The following RPF2 variants were observed in gnomAD, a reference collection of about 807,000 sequenced individuals.
The protein encoded by RPF2 is brix domain containing 1.
Under a neutral mutation model 38.9 loss-of-function variants are expected in RPF2, and 21 were observed. The ratio of observed to expected loss-of-function variants is 0.54; its 90% CI spans 0.38 to 0.78. The LOEUF (loss-of-function observed/expected upper bound fraction) is 0.78, where lower values mean the gene tolerates loss of function less well. Ranked by LOEUF, RPF2 falls within the 30% of genes least tolerant of loss-of-function variation. The pLI is 0.00. For synonymous variants in RPF2, 121 were observed against 126.2 expected (o/e 0.96, Z 0.28); for missense variants, 314 against 358.1 (o/e 0.88, Z 0.99).
At chr6:111,006,872 G>A (rs1449348672) in intron 6 of RPF2, among the ~76,000 whole-genome samples, 3 of 152,014 alleles carry the variant, frequency 2.0e-5, no homozygotes, top group South Asian at 2.1e-4. Flanking sequence ...TCGGGAGTTC[G>A]AGACCGGCCT....
At position 111,008,018 on chromosome 6, in the gene RPF2, C is replaced by CTT. The variant is rs35637912; in HGVS notation, c.394-4_394-3dup. 4.4e-4 allele frequency: 622 copies of CTT among 1,423,974 alleles called. No individual in the cohort carries two copies. The highest frequency in any genetic ancestry group is 1.5e-3 in the South Asian group (101 of 68,886). The allele number at this position is 1,423,974 out of a possible 1,614,324, so 88.2% of individuals were successfully genotyped here. On this transcript the variant is annotated intron_variant, in intron 6 of 9. Coordinates refer to ENST00000441448, the MANE Select transcript of RPF2 (RefSeq NM_032194.3). ...TTAGACTTTGGTAATTATATAATTG[C>CTT]TTTTTTTTTTTTTTTTTAGAACAGT...
chr6:111,008,636 C>T (rs1002205511), intron 7 of RPF2, among the ~76,000 whole-genome samples: 9 of 152,024 alleles, frequency 5.9e-5, no homozygotes, highest in Non-Finnish European at 1.0e-4. Context: ...TTTGTATCAC[C>T]GACTTCCAAC....
At chr6:111,009,219 C>CT (rs1771971870) in intron 7 of RPF2, among the ~76,000 whole-genome samples, 2 of 152,086 alleles carry the variant, frequency 1.3e-5, no homozygotes, top group South Asian at 4.1e-4. Flanking sequence ...CCATGCCCAG[C>CT]TTATTTTTGT....
At chr6:111,009,305 C>T (rs148036264) in intron 7 of RPF2, among the ~76,000 whole-genome samples, 4 of 152,248 alleles carry the variant, frequency 2.6e-5, no homozygotes, top group African/African-American at 7.2e-5. Flanking sequence ...CCACCCGCCT[C>T]GCCCTCCCAA....
In RPF2 at chr6:111,015,816, T is replaced by G. The variant is rs1272568327; in HGVS notation, c.556T>G (p.Phe186Val). Residue 186 changes from phenylalanine to valine, a missense_variant, in exon 8 of 10, where the codon TTC (phenylalanine) becomes GTC (valine). Phe to Val is a conservative substitution (Grantham distance 50, BLOSUM62 -1). Transcript: ENST00000441448. ...RLAGLEYVLH[F>V]TALNGKIYFR... ...GGCTGGATTAGAGTATGTTCTGCAC[T>G]TCACTGCACTGAATGGGAAGATTTA... 1 of 1,613,080 alleles carries G rather than the reference T, an allele frequency of 6.2e-7. No homozygotes were observed. The highest frequency in any genetic ancestry group is 8.5e-7 in the Non-Finnish European group (1 of 1,179,142).
rs373190365 is a variant in RPF2, at chr6:110,997,244, G to A, written c.296G>A (p.Arg99Gln). ...ATGTTTGGCTCCCATAATAAGAAGC[G>A]GCCAAATAATCTAGTAATAGGTAAG... ...LFMFGSHNKKRPNNLVIGRMY... is the reference protein window; with the variant it reads ...LFMFGSHNKKQPNNLVIGRMY... The change falls in exon 5 of 10, where the codon CGG (arginine) becomes CAG (glutamine). Residue 99 changes from arginine (R) to glutamine (Q), a missense_variant. By Grantham distance (43) the Arg-to-Gln change is conservative. Transcript: ENST00000441448. The A allele has an allele frequency of 5.0e-6, 8 of 1,596,414 alleles. No homozygotes were observed. Among genetic ancestry groups the A allele is most frequent in the African/African-American group, 2.7e-5 (2 of 74,520 alleles).
rs527515622 is a variant in RPF2 at position 110,982,055 on chromosome 6, C to T, written c.-52C>T. ...TTCCGCCTGTTCCGGCGCACGTAAT[C>T]GCCGAGGGCACGTGCATGCCCCCTG... is the stretch of plus-strand genomic sequence containing the variant. On this transcript the variant is annotated 5_prime_UTR_variant, in exon 1 of 10. Transcript: ENST00000441448. 19 of 1,608,836 alleles carry T rather than the reference C, an allele frequency of 1.2e-5. No individual in the cohort carries two copies. The South Asian group carries it at 2.1e-4, about 18-fold the overall frequency.
intron 3 of RPF2, among the ~76,000 whole-genome samples, chr6:110,990,007 A>G (rs571034896): frequency 1.5e-4 from 23 of 149,632 alleles, no homozygotes; most frequent in African/African-American, 5.7e-4. Flanking sequence ...GGCATGATCT[A>G]AGGTCACTGC....
chr6:110,989,936 C>T (rs1771591123), intron 3 of RPF2, among the ~76,000 whole-genome samples: 2 of 116,678 alleles, frequency 1.7e-5, no homozygotes, highest in South Asian at 2.7e-4. Flanking sequence ...TTTCTTTTTT[C>T]TTTCTTTTCT....
chr6:111,025,661 T>C lies in RPF2; in HGVS notation c.*79T>C, dbSNP rs1297434620. ...AAGCGTCAATCCATTCAGAGTTTCT[T>C]ATAAGATCTTATTATATATTTTTAT... On this transcript the variant is annotated 3_prime_UTR_variant, in exon 10 of 10. Coordinates refer to ENST00000441448, the MANE Select transcript of RPF2 (RefSeq NM_032194.3). The C allele has an allele frequency of 1.9e-5, 18 of 970,804 alleles. No individual in the cohort carries two copies. Among genetic ancestry groups the C allele is most frequent in the Non-Finnish European group, 2.4e-5 (16 of 664,772 alleles). The allele number at this position is 970,804 out of a possible 1,614,324, so 60.1% of individuals were successfully genotyped here. A position where few individuals can be genotyped will look rare whatever the true frequency, so the allele number is the denominator to read the frequency against.
chr6:111,009,754 G>A (rs993599962), intron 7 of RPF2, among the ~76,000 whole-genome samples: 2 of 151,932 alleles, frequency 1.3e-5, no homozygotes, highest in Admixed American at 1.3e-4. Context: ...GCTCATTGCA[G>A]CCTCAACCTC....
At chr6:110,999,809 A>G in intron 6 of RPF2, 22 bp downstream of exon 6, 1 of 1,349,198 alleles carries the variant, frequency 7.4e-7, no homozygotes, top group Non-Finnish European at 1.1e-6. Context: ...ATAGAAATGA[A>G]AAGTATTTTG....
At chr6:111,014,177 C>T (rs1772066537) in intron 7 of RPF2, among the ~76,000 whole-genome samples, 2 of 150,832 alleles carry the variant, frequency 1.3e-5, no homozygotes, top group Admixed American at 6.6e-5. Context: ...CACACTGTCG[C>T]CCAGGCTGGA....
At chr6:110,988,899 A>G (rs1034981770) in intron 2 of RPF2, 129 bp from the exon 3 acceptor site, 5 of 1,165,144 alleles carry the variant, frequency 4.3e-6, no homozygotes, top group Non-Finnish European at 5.9e-6. Context: ...AAAGGGAGCC[A>G]GGCAGAAGCC....
At position 110,999,595 on chromosome 6, in the gene RPF2, G is replaced by T. The variant is rs990872688; in HGVS notation, c.317-116G>T. On this transcript the variant is annotated intron_variant, in intron 5 of 9. Transcript: ENST00000441448. ...AAGAAAGTGGGATATGTTTGCGGGGGTATAGGGAGAAAAAAGAGGCAGATA... is the reference window on the plus strand; with the variant it reads ...AAGAAAGTGGGATATGTTTGCGGGGTTATAGGGAGAAAAAAGAGGCAGATA... 2.6e-5 allele frequency: 17 copies of T among 650,468 alleles called. No homozygotes were observed. The African/African-American group carries it at 2.7e-4, about 10-fold the overall frequency. 40.3% of individuals were successfully genotyped at this position (650,468 alleles called of 1,614,324 possible).
At chr6:111,002,368 TCTCA>T (rs1417554035) in intron 6 of RPF2, among the ~76,000 whole-genome samples, 1 of 152,136 alleles carries the variant, frequency 6.6e-6, no homozygotes, top group Non-Finnish European at 1.5e-5. Flanking sequence ...AGAGACAAGG[TCTCA>T]CTCTGTTGCC....
At chr6:110,999,875 T>C (rs1771784500) in intron 6 of RPF2, 88 bp downstream of exon 6, 1 of 700,782 alleles carries the variant, frequency 1.4e-6, no homozygotes, top group East Asian at 2.5e-5. Flanking sequence ...TGATAGAGTT[T>C]TGTAGATCAA....
At chr6:111,011,275 T>C (rs1772007807) in intron 7 of RPF2, among the ~76,000 whole-genome samples, 1 of 140,334 alleles carries the variant, frequency 7.1e-6, no homozygotes, top group Non-Finnish European at 1.5e-5. Context: ...ATCAAGGGTA[T>C]TTTTCTTTCT....
intron 6 of RPF2, among the ~76,000 whole-genome samples, chr6:111,000,504 A>C (rs1056240164): frequency 1.3e-5 from 2 of 152,218 alleles, no homozygotes; most frequent in African/African-American, 4.8e-5. Flanking sequence ...TATGTTGGTT[A>C]CTAACCACCA....
Sources: allele counts gnomAD v4.1 joint callset (sites outside exome capture counted in the v4.1 genomes callset), GRCh38; gene constraint gnomAD v4.1.1; transcripts MANE v1.5; gene names NCBI Gene and HGNC (gene_info 2026-07-23, HGNC 2026-07-21).